SHTN1: variants seen among roughly 807,000 people sequenced by gnomAD.
SHTN1 encodes the protein shootin 1.
SHTN1 carries 42 observed loss-of-function variants against 83.1 expected under a neutral mutation model. The ratio of observed to expected loss-of-function variants is 0.51; its 90% CI spans 0.39 to 0.65. The LOEUF is 0.65. Among genes scored for constraint, SHTN1 ranks in the 30% least tolerant of loss-of-function variants. The probability of loss-of-function intolerance (pLI) is 0.00; values close to 1 mark genes in which losing one functional copy is unlikely to be tolerated. For missense variants in SHTN1, 622 were observed against 737.8 expected (o/e 0.84, Z 1.82); for synonymous variants, 224 against 247.7 (o/e 0.90, Z 0.90).
chr10:116,892,703 G>A (rs1330358369), intron 16 of SHTN1, among the ~76,000 whole-genome samples: 1 of 152,106 alleles, frequency 6.6e-6, no homozygotes, highest in African/African-American at 2.4e-5. Context: ...TTTTCATAGA[G>A]CTATATAATA....
chr10:117,095,512 C>T (rs1853491565), intron 1 of SHTN1, among the ~76,000 whole-genome samples: 1 of 152,094 alleles, frequency 6.6e-6, no homozygotes, highest in Non-Finnish European at 1.5e-5. Flanking sequence ...GTATAAAACC[C>T]AGGAAACTGA....
intron 1 of SHTN1, among the ~76,000 whole-genome samples, chr10:117,112,220 C>T (rs1853778641): frequency 6.6e-6 from 1 of 152,128 alleles, no homozygotes; most frequent in Non-Finnish European, 1.5e-5. Flanking sequence ...CCCGCCTCGG[C>T]CTCCCAAACT....
chr10:116,921,327 T>A (rs889572589), intron 12 of SHTN1, 107 bp downstream of exon 12: 2 of 743,198 alleles, frequency 2.7e-6, no homozygotes, highest in Non-Finnish European at 4.5e-6. Context: ...CAGTGCTTCA[T>A]ACTACTCTCC....
chr10:117,048,884 GAC>G (rs780900357), intron 1 of SHTN1, among the ~76,000 whole-genome samples: 10 of 152,304 alleles, frequency 6.6e-5, no homozygotes, highest in Non-Finnish European at 8.8e-5. Context: ...ACTAGGAAGA[GAC>G]AGTGAGATTG....
chr10:117,110,596 G>A (rs906597789), intron 1 of SHTN1, among the ~76,000 whole-genome samples: 10 of 151,460 alleles, frequency 6.6e-5, no homozygotes, highest in African/African-American at 2.4e-4. Flanking sequence ...CCTGAGCTCA[G>A]GCAATCCACC....
chr10:116,982,940 G>A (rs1020755297), intron 1 of SHTN1, among the ~76,000 whole-genome samples: 39 of 151,790 alleles, frequency 2.6e-4, no homozygotes, highest in African/African-American at 9.2e-4. Flanking sequence ...TCCAGCCTGG[G>A]TAACAGAGCA....
intron 12 of SHTN1, 31 bp from the exon 13 acceptor site, chr10:116,915,515 T>G (rs1377646188): frequency 7.8e-7 from 1 of 1,275,036 alleles, no homozygotes; most frequent in Non-Finnish European, 1.1e-6. Context: ...TAAATCCTCT[T>G]ATGTTACAAG....
At chr10:116,940,686 G>C in intron 8 of SHTN1, 74 bp from the exon 9 acceptor site, 2 of 1,219,256 alleles carry the variant, frequency 1.6e-6, no homozygotes, top group Non-Finnish European at 2.2e-6. Context: ...TTCAGCAAAA[G>C]AAAAGTACAT....
At chr10:117,007,530 G>GGGTGACA (rs1175966807), upstream of SHTN1, among the ~76,000 whole-genome samples, 17 of 144,236 alleles carry the variant, frequency 1.2e-4, no homozygotes, top group African/African-American at 4.4e-4. Flanking sequence ...ACTGCAGCCT[G>GGGTGACA]GGTGACAGAG....
chr10:116,905,833 A>T (rs1847947009), intron 15 of SHTN1, among the ~76,000 whole-genome samples: 1 of 152,182 alleles, frequency 6.6e-6, no homozygotes, highest in African/African-American at 2.4e-5. Context: ...AAACCTCATA[A>T]AGGTTTCCGT....
At chr10:116,991,046 C>T (rs1262564920) in intron 1 of SHTN1, among the ~76,000 whole-genome samples, 1 of 152,008 alleles carries the variant, frequency 6.6e-6, no homozygotes, top group Admixed American at 6.6e-5. Context: ...ATTAGCCAGG[C>T]GCGGTGGTGG....
chr10:117,081,051 G>C (rs895651518), intron 1 of SHTN1, among the ~76,000 whole-genome samples: 5 of 151,896 alleles, frequency 3.3e-5, no homozygotes, highest in African/African-American at 4.8e-5. Context: ...AATTGCCCTG[G>C]CCAGAACTTC....
intron 8 of SHTN1, among the ~76,000 whole-genome samples, chr10:116,940,879 CATTAAT>C (rs1320387841): frequency 3.3e-5 from 5 of 152,086 alleles, no homozygotes; most frequent in Admixed American, 6.6e-5. Context: ...CTTTAAGATA[CATTAAT>C]ATTAATAGTA....
intron 1 of SHTN1, among the ~76,000 whole-genome samples, chr10:117,050,200 A>C (rs1852720753): frequency 6.6e-6 from 1 of 152,170 alleles, no homozygotes; most frequent in African/African-American, 2.4e-5. Flanking sequence ...ATATCAATAA[A>C]ACAAAGCCTT....
At chr10:117,004,983 G>A in intron 1 of SHTN1, 39 bp downstream of exon 1, 4 of 1,558,534 alleles carry the variant, frequency 2.6e-6, no homozygotes, top group Middle Eastern at 1.9e-4. Flanking sequence ...CCGCCCACGG[G>A]CCGCGGCTGC....
intron 2 of SHTN1, among the ~76,000 whole-genome samples, chr10:117,043,868 C>CAAAT (rs756883982): frequency 5.8e-4 from 88 of 151,530 alleles, no homozygotes; most frequent in Non-Finnish European, 1.2e-3. Flanking sequence ...AACAAACAAA[C>CAAAT]AAATAAATAA....
At chr10:116,991,545 GCTCTCAGGGGAA>G (rs1851437470) in intron 1 of SHTN1, among the ~76,000 whole-genome samples, 1 of 152,138 alleles carries the variant, frequency 6.6e-6, no homozygotes, top group African/African-American at 2.4e-5. Context: ...TCAACAAGTA[GCTCTCAGGGGAA>G]CTCTCAGGGA....
intron 16 of SHTN1, among the ~76,000 whole-genome samples, chr10:116,888,816 A>T (rs1242983389): frequency 6.6e-6 from 1 of 152,202 alleles, no homozygotes; most frequent in African/African-American, 2.4e-5. Flanking sequence ...TAAGACAACT[A>T]CTTCACTTCC....
chr10:117,006,668 G>C (rs1852018333), upstream of SHTN1, among the ~76,000 whole-genome samples: 1 of 152,052 alleles, frequency 6.6e-6, no homozygotes, highest in Non-Finnish European at 1.5e-5. Flanking sequence ...ATTAAGCATG[G>C]GAGATAAGTC....
Sources: gnomAD v4.1 joint callset for allele counts (sites outside exome capture counted in the v4.1 genomes callset) on GRCh38, gnomAD v4.1.1 for gene constraint, MANE v1.5 for transcripts, NCBI Gene and HGNC (gene_info 2026-07-23, HGNC 2026-07-21) for gene names.